PPP2R3A: variants seen among roughly 807,000 people sequenced by gnomAD.
PPP2R3A encodes the protein protein phosphatase 2 regulatory subunit B''alpha, also known as serine/threonine-protein phosphatase 2A regulatory subunit B'' subunit alpha.
In PPP2R3A, 80 loss-of-function variants were observed where a neutral mutation model predicts 106.9. The observed-to-expected ratio is 0.75, with a 90% CI of 0.62 to 0.90. PPP2R3A has a LOEUF of 0.90. Ranked by LOEUF, PPP2R3A falls within the 40% of genes least tolerant of loss-of-function variation. The pLI, the probability that PPP2R3A is intolerant of heterozygous loss-of-function variation, is 0.00. For missense variants in PPP2R3A, 1,386 were observed against 1,350.4 expected, an observed-to-expected ratio of 1.03 and a Z score of -0.41; for synonymous variants, 483 against 468.3, an observed-to-expected ratio of 1.03 and a Z score of -0.41.
intron 6 of PPP2R3A, among the ~76,000 whole-genome samples, chr3:136,072,272 G>C (rs1335455124): frequency 2.6e-5 from 4 of 152,112 alleles, no homozygotes; most frequent in Non-Finnish European, 5.9e-5. Context: ...AATATGTACT[G>C]AGTGAATACA....
chr3:135,992,746 C>A (rs962873216), intron 1 of PPP2R3A, among the ~76,000 whole-genome samples: 1 of 151,806 alleles, frequency 6.6e-6, no homozygotes, highest in African/African-American at 2.4e-5. Flanking sequence ...GTGAAGAGAC[C>A]GGAGTTAAAG....
intron 13 of PPP2R3A, among the ~76,000 whole-genome samples, chr3:136,140,439 C>A (rs111383631): frequency 0.036 from 4,254 of 118,962 alleles, 263 homozygotes; most frequent in African/African-American, 0.13. Flanking sequence ...GAGTGAGACT[C>A]TTTAAAAAAA....
At chr3:136,139,260 C>T (rs896382719) in intron 13 of PPP2R3A, among the ~76,000 whole-genome samples, 1 of 152,152 alleles carries the variant, frequency 6.6e-6, no homozygotes, top group Non-Finnish European at 1.5e-5. Flanking sequence ...ATCTGCAGAG[C>T]CCGCCTTAAT....
In PPP2R3A at chr3:136,027,186, C is replaced by T. The variant is rs549525990; in HGVS notation, c.2262+88C>T. 583 of 1,178,626 alleles carry T rather than the reference C, an allele frequency of 4.9e-4. 3 individuals are homozygous for T. In the East Asian group the frequency reaches 6.8e-3, roughly 14 times the overall value. 73.0% of individuals were successfully genotyped at this position (1,178,626 alleles called of 1,614,324 possible). A position where few individuals can be genotyped will look rare whatever the true frequency, so the allele number is the denominator to read the frequency against. On this transcript the variant is annotated intron_variant, in intron 3 of 13. Coordinates refer to ENST00000264977, the MANE Select transcript of PPP2R3A (RefSeq NM_002718.5). ...TCTCTAGAAACCCGGATCCCACCCC[C>T]CTTCACTGCCTCTTTGCTCTGTTTT...
intron 13 of PPP2R3A, among the ~76,000 whole-genome samples, chr3:136,110,036 A>G (rs1231426357): frequency 1.3e-5 from 2 of 152,096 alleles, no homozygotes; most frequent in East Asian, 3.9e-4. Context: ...GGAGCTTGGA[A>G]CAGAGAAAGC....
intron 13 of PPP2R3A, among the ~76,000 whole-genome samples, chr3:136,140,926 A>G (rs1226408966): frequency 6.6e-6 from 1 of 152,198 alleles, no homozygotes; most frequent in Admixed American, 6.5e-5. Context: ...GAATGAATGA[A>G]TGATCATGAA....
intron 13 of PPP2R3A, among the ~76,000 whole-genome samples, chr3:136,123,859 A>G (rs1938086811): frequency 2.0e-5 from 3 of 152,238 alleles, no homozygotes; most frequent in Admixed American, 2.0e-4. Flanking sequence ...CAGACACTCA[A>G]GGATACAGAA....
chr3:136,061,219 A>G (rs1259017477), intron 5 of PPP2R3A, among the ~76,000 whole-genome samples: 1 of 152,220 alleles, frequency 6.6e-6, no homozygotes, highest in Non-Finnish European at 1.5e-5. Context: ...AGGAATTTTA[A>G]TATCTAACTA....
intron 3 of PPP2R3A, among the ~76,000 whole-genome samples, chr3:136,030,813 TGTATGTATGTATAC>T (rs1193346303): frequency 1.0e-4 from 15 of 147,846 alleles, no homozygotes; most frequent in African/African-American, 3.1e-4. Flanking sequence ...TATGTATGTA[TGTATGTATGTATAC>T]ACACACACAC....
rs35250006 is a variant in PPP2R3A, at chr3:136,026,968, G to A, written c.2132G>A (p.Arg711Gln). 6,472 of 1,613,536 alleles carry A rather than the reference G, an allele frequency of 4.0e-3. 119 individuals carry two copies. The highest frequency in any genetic ancestry group is 0.04 in the African/African-American group (2,977 of 74,934). ...VNAPLSINIP[R>Q]FYFPEGLPDT... Reference sequence around the variant, plus strand: ...GCGCCATTGTCCATAAACATTCCACGGTTCTACTTTCCTGAAGGACTCCCA... The same window carrying A: ...GCGCCATTGTCCATAAACATTCCACAGTTCTACTTTCCTGAAGGACTCCCA... The change falls in exon 3 of 14, where the codon CGG (arginine) becomes CAG (glutamine). Residue 711 changes from arginine to glutamine, a missense_variant. Coordinates refer to ENST00000264977, the MANE Select transcript of PPP2R3A (RefSeq NM_002718.5).
rs1003653078 is a variant in PPP2R3A at position 136,070,633 on chromosome 3, T to C, written c.2544+81T>C. On this transcript the variant is annotated intron_variant, in intron 6 of 13. Coordinates refer to ENST00000264977, the MANE Select transcript of PPP2R3A (RefSeq NM_002718.5). ...CATCTGCTATCCAGAATTTCAAGTA[T>C]CTATGCAAAAGGTAACATGGGTTAT... is the stretch of plus-strand genomic sequence containing the variant. 1.6e-5 allele frequency: 19 copies of C among 1,204,570 alleles called. No individual in the cohort carries two copies. The Admixed American group carries it at 5.1e-4, about 32-fold the overall frequency. 74.6% of individuals were successfully genotyped at this position (1,204,570 alleles called of 1,614,324 possible).
At chr3:136,048,412 C>T (rs1935549544) in intron 4 of PPP2R3A, among the ~76,000 whole-genome samples, 2 of 152,184 alleles carry the variant, frequency 1.3e-5, no homozygotes, top group Admixed American at 1.3e-4. Context: ...GTGGCTCACG[C>T]CTGTAATCCC....
chr3:135,998,068 T>TTGC (rs1379864533), intron 1 of PPP2R3A, among the ~76,000 whole-genome samples: 1 of 152,232 alleles, frequency 6.6e-6, no homozygotes, highest in African/African-American at 2.4e-5. Context: ...TGATTGGCTT[T>TTGC]TGCTGCTGCT....
chr3:136,036,330 C>T (rs1935083806), intron 3 of PPP2R3A, among the ~76,000 whole-genome samples: 1 of 152,008 alleles, frequency 6.6e-6, no homozygotes, highest in South Asian at 2.1e-4. Flanking sequence ...TTTCTGGTTC[C>T]TTCTCATATG....
chr3:136,134,388 G>T (rs1938528716), intron 13 of PPP2R3A, among the ~76,000 whole-genome samples: 1 of 152,110 alleles, frequency 6.6e-6, no homozygotes, highest in Admixed American at 6.6e-5. Context: ...GGATAGAATT[G>T]TGTAATCTAA....
At chr3:136,034,144 T>C (rs1935004619) in intron 3 of PPP2R3A, among the ~76,000 whole-genome samples, 1 of 151,874 alleles carries the variant, frequency 6.6e-6, no homozygotes, top group Non-Finnish European at 1.5e-5. Flanking sequence ...CAAGTGATTC[T>C]CCTGCCTCAG....
At chr3:136,052,241 GCT>G (rs1235346711) in intron 5 of PPP2R3A, among the ~76,000 whole-genome samples, 1 of 152,142 alleles carries the variant, frequency 6.6e-6, no homozygotes, top group Non-Finnish European at 1.5e-5. Context: ...CGTCTTTGGG[GCT>G]CTCTTGCTGA....
intron 13 of PPP2R3A, among the ~76,000 whole-genome samples, chr3:136,116,548 T>C (rs1425061417): frequency 3.3e-5 from 5 of 152,146 alleles, no homozygotes; most frequent in Non-Finnish European, 7.3e-5. Context: ...TGGAGGAATA[T>C]TTACCAAGCA....
At chr3:135,996,060 G>A (rs959441281) in intron 1 of PPP2R3A, among the ~76,000 whole-genome samples, 7 of 152,000 alleles carry the variant, frequency 4.6e-5, no homozygotes, top group South Asian at 2.1e-4. Context: ...ACTAGAGTGC[G>A]TTCAATAAAT....
Sources: gnomAD v4.1 joint callset for allele counts (sites outside exome capture counted in the v4.1 genomes callset) on GRCh38, gnomAD v4.1.1 for gene constraint, MANE v1.5 for transcripts, NCBI Gene and HGNC (gene_info 2026-07-23, HGNC 2026-07-21) for gene names.